The following CDK8 variants were observed in gnomAD, a reference collection of about 807,000 sequenced individuals.
CDK8 encodes the protein cyclin dependent kinase 8.
CDK8 carries 29 observed loss-of-function variants against 71.5 expected under a neutral mutation model. The observed-to-expected ratio is 0.41, with a 90% CI of 0.30 to 0.55. The LOEUF is 0.55. Ranked by LOEUF, CDK8 falls within the 20% of genes least tolerant of loss-of-function variation. CDK8 has a pLI of 0.37. For synonymous variants in CDK8, 161 were observed against 192.1 expected (o/e 0.84, Z 1.34); for missense variants, 288 against 572.6 (o/e 0.50, Z 5.07).
intron 1 of CDK8, among the ~76,000 whole-genome samples, chr13:26,305,719 A>G (rs1021040513): frequency 2.6e-5 from 4 of 152,098 alleles, no homozygotes; most frequent in African/African-American, 9.7e-5. Flanking sequence ...TCTGCTGTAC[A>G]GCATTTGCTT....
chr13:26,257,748 GT>G (rs1165018701), intron 1 of CDK8, among the ~76,000 whole-genome samples: 74 of 152,162 alleles, frequency 4.9e-4, no homozygotes, highest in Non-Finnish European at 5.9e-5. Context: ...TGCACTGAAT[GT>G]TTGGATAATT....
intron 4 of CDK8, among the ~76,000 whole-genome samples, chr13:26,371,869 C>G (rs1565990090): frequency 6.6e-6 from 1 of 152,154 alleles, no homozygotes; most frequent in Non-Finnish European, 1.5e-5. Context: ...CCGCCCGCCT[C>G]AGCCTCCCAA....
intron 1 of CDK8, among the ~76,000 whole-genome samples, chr13:26,264,245 GT>G (rs1871921635): frequency 6.6e-6 from 1 of 151,058 alleles, no homozygotes; most frequent in Non-Finnish European, 1.5e-5. Context: ...TTTCATTATG[GT>G]TTGCCTTTAG....
intron 4 of CDK8, among the ~76,000 whole-genome samples, chr13:26,381,821 T>G (rs1261248043): frequency 6.6e-6 from 1 of 152,118 alleles, no homozygotes; most frequent in Admixed American, 6.6e-5. Context: ...ACATTAAACG[T>G]TGGCAGTAAT....
chr13:26,265,317 A>G (rs1049581669), intron 1 of CDK8, among the ~76,000 whole-genome samples: 2 of 152,190 alleles, frequency 1.3e-5, no homozygotes, highest in African/African-American at 4.8e-5. Context: ...CAATTGTAAT[A>G]TAGTAGGATA....
chr13:26,337,480 G>A (rs1390212929), intron 1 of CDK8, 87 bp from the exon 2 acceptor site: 5 of 499,230 alleles, frequency 1.0e-5, no homozygotes, highest in African/African-American at 2.0e-5. Context: ...TGTATTAAAC[G>A]TGATTTATAT....
chr13:26,396,763 A>G (rs1486538090), intron 8 of CDK8, among the ~76,000 whole-genome samples: 1 of 152,150 alleles, frequency 6.6e-6, no homozygotes, highest in East Asian at 1.9e-4. Flanking sequence ...TCACCTGTTT[A>G]CAATGCAAAG....
At chr13:26,387,754 T>C (rs1369491578) in intron 6 of CDK8, among the ~76,000 whole-genome samples, 2 of 152,222 alleles carry the variant, frequency 1.3e-5, no homozygotes, top group Non-Finnish European at 2.9e-5. Flanking sequence ...GGTCTCCACA[T>C]GGCCAGTTTC....
At chr13:26,321,705 A>T in intron 1 of CDK8, among the ~76,000 whole-genome samples, 1 of 152,136 alleles carries the variant, frequency 6.6e-6, no homozygotes, top group Non-Finnish European at 1.5e-5. Context: ...TGAGCTAAGT[A>T]TAAGAAGAAA....
chr13:26,300,094 A>G (rs1025313881), intron 1 of CDK8, among the ~76,000 whole-genome samples: 1 of 152,140 alleles, frequency 6.6e-6, no homozygotes, highest in Non-Finnish European at 1.5e-5. Context: ...TCTTTGTTGC[A>G]TACCTCAGAA....
chr13:26,392,131 AGAAAT>A (rs1190633920), intron 6 of CDK8, among the ~76,000 whole-genome samples: 10 of 152,188 alleles, frequency 6.6e-5, no homozygotes, highest in African/African-American at 2.4e-4. Context: ...TGTTAAGAGT[AGAAAT>A]GAAATATTTT....
intron 1 of CDK8, among the ~76,000 whole-genome samples, chr13:26,337,015 A>G (rs1469272170): frequency 6.6e-6 from 1 of 152,000 alleles, no homozygotes; most frequent in African/African-American, 2.4e-5. Context: ...AACTTGTTGT[A>G]TCCTCAGTAC....
At chr13:26,268,904 T>G (rs1167912063) in intron 1 of CDK8, among the ~76,000 whole-genome samples, 1 of 152,202 alleles carries the variant, frequency 6.6e-6, no homozygotes, top group Non-Finnish European at 1.5e-5. Context: ...TTGGCCTTGG[T>G]CATCCTCTCA....
intron 1 of CDK8, among the ~76,000 whole-genome samples, chr13:26,278,780 T>A (rs1204240639): frequency 6.6e-6 from 1 of 152,214 alleles, no homozygotes; most frequent in Admixed American, 6.5e-5. Context: ...CCTGTGTATC[T>A]GTGGGTTCCA....
At chr13:26,331,825 T>G (rs995821666) in intron 1 of CDK8, among the ~76,000 whole-genome samples, 1 of 152,208 alleles carries the variant, frequency 6.6e-6, no homozygotes, top group African/African-American at 2.4e-5. Context: ...AATTTTAGGA[T>G]TATTTTTTCT....
intron 4 of CDK8, among the ~76,000 whole-genome samples, chr13:26,362,571 T>G (rs1047298133): frequency 1.3e-5 from 2 of 152,126 alleles, no homozygotes; most frequent in Non-Finnish European, 2.9e-5. Context: ...GAAAGAGAAG[T>G]TGCCTTTCCT....
intron 1 of CDK8, among the ~76,000 whole-genome samples, chr13:26,325,582 T>G (rs986043391): frequency 1.3e-5 from 2 of 152,114 alleles, no homozygotes; most frequent in African/African-American, 4.8e-5. Context: ...GGATTTGGCT[T>G]GGGCTGAATG....
chr13:26,380,893 A>T (rs1006787857), intron 4 of CDK8, among the ~76,000 whole-genome samples: 10 of 152,202 alleles, frequency 6.6e-5, no homozygotes, highest in African/African-American at 1.9e-4. Context: ...CCTTATTCAC[A>T]GGAACTTTTT....
chr13:26,341,623 C>T (rs1873242908), intron 2 of CDK8, among the ~76,000 whole-genome samples: 1 of 152,076 alleles, frequency 6.6e-6, no homozygotes, highest in African/African-American at 2.4e-5. Context: ...TGTTAGAATG[C>T]AATATAGTTT....
Sources: allele counts gnomAD v4.1 joint callset (sites outside exome capture counted in the v4.1 genomes callset), GRCh38; gene constraint gnomAD v4.1.1; transcripts MANE v1.5; gene names NCBI Gene and HGNC (gene_info 2026-07-23, HGNC 2026-07-21).